Variants in ZNG1B observed in about 807,000 individuals in gnomAD.
ZNG1B encodes zinc-regulated GTPase metalloprotein activator 1B.
chr2:113,444,783 A>G, the ZNG1B span, among the ~76,000 whole-genome samples: 14 of 152,170 alleles, frequency 9.2e-5, no homozygotes, highest in East Asian at 9.6e-4. Flanking sequence ...ATATGCATCT[A>G]TTGTTTTCTC....
the ZNG1B span, chr2:113,457,081 C>T: frequency 2.2e-6 from 1 of 454,726 alleles, no homozygotes; most frequent in Non-Finnish European, 4.4e-6. Flanking sequence ...AATTGGACAA[C>T]TTAAAATGAC....
the ZNG1B span, among the ~76,000 whole-genome samples, chr2:113,453,985 A>C: frequency 6.6e-6 from 1 of 152,180 alleles, no homozygotes; most frequent in Admixed American, 6.5e-5. Context: ...TTCTTAGTTA[A>C]GCGACTATGT....
At chr2:113,441,267 C>CA in the ZNG1B span, 3 of 1,394,242 alleles carry the variant, frequency 2.2e-6, no homozygotes, top group Non-Finnish European at 2.9e-6. Flanking sequence ...CGCAAATTCT[C>CA]AAAAACGTTA....
the ZNG1B span, among the ~76,000 whole-genome samples, chr2:113,464,901 A>G: frequency 6.2e-3 from 947 of 152,246 alleles, 5 homozygotes; most frequent in Non-Finnish European, 0.011. Context: ...ATTTTTGCAT[A>G]TACGTTTTAT....
chr2:113,480,997 GT>G, the ZNG1B span, among the ~76,000 whole-genome samples: 1 of 149,578 alleles, frequency 6.7e-6, no homozygotes, highest in African/African-American at 2.5e-5. Flanking sequence ...CACTAGATTA[GT>G]CTTTTAAAAA....
chr2:113,437,719 C>T, the ZNG1B span: 2 of 1,523,618 alleles, frequency 1.3e-6, no homozygotes, highest in African/African-American at 2.7e-5. Context: ...CGTCCAGAGC[C>T]CAGGTAATCC....
chr2:113,449,351 G>A, the ZNG1B span, among the ~76,000 whole-genome samples: 11,830 of 117,922 alleles, frequency 0.1, 916 homozygotes, highest in East Asian at 0.3. Flanking sequence ...AGCTTTTGGC[G>A]TATCTTGGCT....
At chr2:113,475,510 G>T in the ZNG1B span, among the ~76,000 whole-genome samples, 1 of 150,206 alleles carries the variant, frequency 6.7e-6, no homozygotes, top group African/African-American at 2.5e-5. Flanking sequence ...ATATCGTTAC[G>T]TGTGAATTTG....
At chr2:113,478,300 A>AT in the ZNG1B span, among the ~76,000 whole-genome samples, 3 of 151,738 alleles carry the variant, frequency 2.0e-5, no homozygotes, top group Non-Finnish European at 4.4e-5. Flanking sequence ...TTTTTTTGAG[A>AT]TGGGGCTCTC....
the ZNG1B span, among the ~76,000 whole-genome samples, chr2:113,477,726 A>G: frequency 6.6e-6 from 1 of 152,212 alleles, no homozygotes; most frequent in African/African-American, 2.4e-5. Context: ...ACAATACAGT[A>G]TTGCTAACTA....
the ZNG1B span, among the ~76,000 whole-genome samples, chr2:113,484,555 T>C: frequency 1.3e-5 from 2 of 152,392 alleles, no homozygotes; most frequent in African/African-American, 4.8e-5. Context: ...GTTTTTTGTT[T>C]GTTTGTTTTG....
the ZNG1B span, among the ~76,000 whole-genome samples, chr2:113,486,522 G>C: frequency 6.6e-6 from 1 of 150,844 alleles, no homozygotes; most frequent in African/African-American, 2.5e-5. Flanking sequence ...GACAGGCCAA[G>C]GTGGGTGGAT....
the ZNG1B span, among the ~76,000 whole-genome samples, chr2:113,453,392 A>G: frequency 2.0e-5 from 3 of 151,816 alleles, no homozygotes; most frequent in South Asian, 6.2e-4. Context: ...AGCTGGGACT[A>G]CAGGCGTGCA....
the ZNG1B span, among the ~76,000 whole-genome samples, chr2:113,461,325 A>T: frequency 1.4e-3 from 210 of 151,576 alleles, 1 homozygote; most frequent in African/African-American, 4.9e-3. Flanking sequence ...CAGGTGATCC[A>T]CCCGCCTCGG....
chr2:113,477,569 T>G, the ZNG1B span, among the ~76,000 whole-genome samples: 4 of 152,212 alleles, frequency 2.6e-5, no homozygotes, highest in Admixed American at 2.6e-4. Flanking sequence ...AATAATGGAT[T>G]AGTTTTCTGC....
the ZNG1B span, among the ~76,000 whole-genome samples, chr2:113,472,200 A>G: frequency 6.6e-6 from 1 of 151,636 alleles, no homozygotes; most frequent in Non-Finnish European, 1.5e-5. Flanking sequence ...ATAGTATCTC[A>G]TTGTGGTTTT....
the ZNG1B span, among the ~76,000 whole-genome samples, chr2:113,475,165 G>T: frequency 6.9e-5 from 10 of 145,348 alleles, no homozygotes; most frequent in African/African-American, 1.8e-4. Flanking sequence ...TTATGAATCT[G>T]GGTGCTCCTG....
the ZNG1B span, among the ~76,000 whole-genome samples, chr2:113,445,843 G>T: frequency 1.4e-5 from 2 of 138,244 alleles, no homozygotes; most frequent in Non-Finnish European, 3.1e-5. Flanking sequence ...GGGGCGATTT[G>T]TAAAACTATA....
chr2:113,455,533 A>G, the ZNG1B span: 1 of 1,235,072 alleles, frequency 8.1e-7, no homozygotes, highest in African/African-American at 1.5e-5. Flanking sequence ...CATACAGTAA[A>G]ATGATGTTTC....
Sources: gnomAD v4.1 joint callset for allele counts (sites outside exome capture counted in the v4.1 genomes callset) on GRCh38, gnomAD v4.1.1 for gene constraint, MANE v1.5 for transcripts, NCBI Gene and HGNC (gene_info 2026-07-23, HGNC 2026-07-21) for gene names.